The following SLC2A13 variants were observed in gnomAD, a reference collection of about 807,000 sequenced individuals.
SLC2A13 encodes the protein solute carrier family 2 member 13, also known as proton myo-inositol cotransporter.
SLC2A13 carries 32 observed loss-of-function variants against 64.4 expected under a neutral mutation model. The ratio of observed to expected loss-of-function variants is 0.50; its 90% CI spans 0.37 to 0.67. The LOEUF is 0.67. Ranked by LOEUF, SLC2A13 falls within the 30% of genes least tolerant of loss-of-function variation. The pLI, the probability that SLC2A13 is intolerant of heterozygous loss-of-function variation, is 0.00. For synonymous variants in SLC2A13, 338 were observed against 327.1 expected (o/e 1.03, Z -0.36); for missense variants, 743 against 829.2 (o/e 0.90, Z 1.28).
chr12:39,806,517 T>C (rs1009503739), intron 7 of SLC2A13, among the ~76,000 whole-genome samples: 3 of 152,176 alleles, frequency 2.0e-5, no homozygotes, highest in Non-Finnish European at 4.4e-5. Flanking sequence ...TATCATTATC[T>C]GAAAATCACA....
intron 3 of SLC2A13, among the ~76,000 whole-genome samples, chr12:40,021,303 C>T (rs1244161556): frequency 6.6e-6 from 1 of 152,102 alleles, no homozygotes; most frequent in Non-Finnish European, 1.5e-5. Context: ...AGAATGATTC[C>T]AATTCTGCAT....
intron 7 of SLC2A13, 25 bp downstream of exon 7, chr12:39,830,078 T>G: frequency 1.2e-6 from 2 of 1,612,978 alleles, no homozygotes; most frequent in Non-Finnish European, 1.7e-6. Flanking sequence ...TATTATATAT[T>G]CGTATGGTAA....
intron 1 of SLC2A13, among the ~76,000 whole-genome samples, chr12:40,098,349 G>A (rs1165161234): frequency 6.6e-6 from 1 of 152,150 alleles, no homozygotes; most frequent in African/African-American, 2.4e-5. Flanking sequence ...AGAGAGGCTG[G>A]GGAATTTGTG....
intron 4 of SLC2A13, chr12:39,951,002 T>G: frequency 2.5e-6 from 1 of 406,342 alleles, no homozygotes; most frequent in Non-Finnish European, 4.3e-6. Context: ...CAAGGAGGTA[T>G]TGGATGGCGT....
chr12:39,863,637 T>C (rs1943822071), intron 6 of SLC2A13, among the ~76,000 whole-genome samples: 1 of 152,180 alleles, frequency 6.6e-6, no homozygotes, highest in Non-Finnish European at 1.5e-5. Context: ...GATGCTATGG[T>C]TAACTTCTAC....
intron 4 of SLC2A13, among the ~76,000 whole-genome samples, chr12:39,873,748 G>A (rs767332258): frequency 2.6e-5 from 4 of 152,090 alleles, no homozygotes; most frequent in Non-Finnish European, 5.9e-5. Flanking sequence ...GTATAAAACA[G>A]AATAAGTTGT....
chr12:40,083,367 C>T (rs1434687358), intron 1 of SLC2A13, among the ~76,000 whole-genome samples: 4 of 152,192 alleles, frequency 2.6e-5, no homozygotes, highest in African/African-American at 9.6e-5. Flanking sequence ...ATCCCTTACA[C>T]TGTTTTTCAG....
At chr12:40,023,511 A>G (rs1947756131) in intron 3 of SLC2A13, among the ~76,000 whole-genome samples, 1 of 152,242 alleles carries the variant, frequency 6.6e-6, no homozygotes, top group African/African-American at 2.4e-5. Context: ...TATATAAAGC[A>G]CATGAAAACA....
intron 4 of SLC2A13, among the ~76,000 whole-genome samples, chr12:39,939,461 C>A (rs1945981759): frequency 6.6e-6 from 1 of 152,162 alleles, no homozygotes; most frequent in Admixed American, 6.5e-5. Context: ...ACACCCTTTC[C>A]CTTATAAACC....
At chr12:39,804,716 C>T (rs979521205) in intron 7 of SLC2A13, among the ~76,000 whole-genome samples, 5 of 152,056 alleles carry the variant, frequency 3.3e-5, no homozygotes, top group African/African-American at 4.8e-5. Flanking sequence ...AGAGGACAGA[C>T]ATTCTAGAAA....
chr12:39,994,731 G>A (rs1002156131), intron 3 of SLC2A13, among the ~76,000 whole-genome samples: 1 of 152,210 alleles, frequency 6.6e-6, no homozygotes, highest in Non-Finnish European at 1.5e-5. Context: ...TTTACTGTGT[G>A]ACTCTGAGAA....
chr12:40,079,236 C>G (rs1310351782), intron 1 of SLC2A13, among the ~76,000 whole-genome samples: 1 of 152,096 alleles, frequency 6.6e-6, no homozygotes, highest in African/African-American at 2.4e-5. Context: ...TGAGCTCTAA[C>G]TTGATGTAAG....
chr12:39,893,740 T>G (rs922339200), intron 4 of SLC2A13, among the ~76,000 whole-genome samples: 2 of 152,236 alleles, frequency 1.3e-5, no homozygotes, highest in Non-Finnish European at 2.9e-5. Context: ...TGGTCTTAGT[T>G]TCTTCATTTT....
At chr12:39,837,680 G>GGATAT (rs1943052515) in intron 6 of SLC2A13, among the ~76,000 whole-genome samples, 1 of 151,866 alleles carries the variant, frequency 6.6e-6, no homozygotes, top group South Asian at 2.1e-4. Flanking sequence ...AGTGGGCGAA[G>GGATAT]GACATGAACA....
intron 4 of SLC2A13, among the ~76,000 whole-genome samples, chr12:39,884,979 C>G (rs1387591668): frequency 6.6e-6 from 1 of 152,194 alleles, no homozygotes; most frequent in Non-Finnish European, 1.5e-5. Flanking sequence ...ATTCAGGTGC[C>G]TGACTAGAAA....
intron 1 of SLC2A13, among the ~76,000 whole-genome samples, chr12:40,098,622 T>A (rs1939042607): frequency 1.3e-5 from 2 of 152,218 alleles, no homozygotes; most frequent in Admixed American, 1.3e-4. Context: ...CACAGACTGG[T>A]TGAGCACAGG....
intron 4 of SLC2A13, among the ~76,000 whole-genome samples, chr12:39,912,431 G>C (rs1051342779): frequency 6.6e-6 from 1 of 152,076 alleles, no homozygotes; most frequent in African/African-American, 2.4e-5. Flanking sequence ...GATCTTGGCA[G>C]TTTTCAGAAC....
chr12:40,073,777 T>C (rs2136273079), intron 1 of SLC2A13, among the ~76,000 whole-genome samples: 1 of 151,856 alleles, frequency 6.6e-6, no homozygotes, highest in East Asian at 1.9e-4. Context: ...AGATAATATA[T>C]AATATTATTT....
intron 3 of SLC2A13, among the ~76,000 whole-genome samples, chr12:40,021,609 A>C (rs1947720555): frequency 6.6e-6 from 1 of 152,244 alleles, no homozygotes; most frequent in Admixed American, 6.5e-5. Context: ...TGGATATAGA[A>C]ATGTTTTCTT....
Sources: allele counts gnomAD v4.1 joint callset (sites outside exome capture counted in the v4.1 genomes callset), GRCh38; gene constraint gnomAD v4.1.1; transcripts MANE v1.5; gene names NCBI Gene and HGNC (gene_info 2026-07-23, HGNC 2026-07-21).